Variants in GADL1 observed in about 807,000 individuals in gnomAD.
GADL1 encodes the protein acidic amino acid decarboxylase GADL1.
In GADL1, 71 loss-of-function variants were observed where a neutral mutation model predicts 69.5. The ratio of observed to expected loss-of-function variants is 1.02; its 90% CI spans 0.84 to 1.25. The LOEUF (loss-of-function observed/expected upper bound fraction) is 1.25, where lower values mean the gene tolerates loss of function less well. Ranked by LOEUF, GADL1 falls within the 50% of genes most tolerant of loss-of-function variation. The pLI is 0.00. For missense variants in GADL1, 737 were observed against 631.8 expected (o/e 1.17, Z -1.79); for synonymous variants, 254 against 214.4 (o/e 1.18, Z -1.62).
intron 11 of GADL1, among the ~76,000 whole-genome samples, chr3:30,808,455 G>C (rs749917955): frequency 6.7e-6 from 1 of 149,408 alleles, no homozygotes; most frequent in Non-Finnish European, 1.5e-5. Context: ...CTGAGACAGC[G>C]TTACTGCACG....
intron 1 of GADL1, among the ~76,000 whole-genome samples, chr3:30,874,040 G>A (rs1188756646): frequency 1.3e-5 from 2 of 151,872 alleles, no homozygotes; most frequent in African/African-American, 4.8e-5. Context: ...GGTCCAAACT[G>A]CCTTCTAGGG....
At chr3:30,780,323 C>T (rs1696636422) in intron 13 of GADL1, among the ~76,000 whole-genome samples, 1 of 152,134 alleles carries the variant, frequency 6.6e-6, no homozygotes, top group African/African-American at 2.4e-5. Context: ...TCTGCTATCC[C>T]ATGAGCCAAG....
At chr3:30,773,569 G>C (rs903660680) in intron 14 of GADL1, among the ~76,000 whole-genome samples, 1 of 151,954 alleles carries the variant, frequency 6.6e-6, no homozygotes, top group South Asian at 2.1e-4. Context: ...ATAAAATTTC[G>C]ATATTAATAT....
At chr3:30,861,546 A>T in intron 2 of GADL1, 47 bp downstream of exon 2, 1 of 1,392,448 alleles carries the variant, frequency 7.2e-7, no homozygotes, top group Non-Finnish European at 9.8e-7. Flanking sequence ...TTTGGGGAAC[A>T]TCTATCTTTC....
chr3:30,782,965 T>C (rs561170258), intron 13 of GADL1, among the ~76,000 whole-genome samples: 1 of 152,206 alleles, frequency 6.6e-6, no homozygotes, highest in East Asian at 1.9e-4. Flanking sequence ...GTAAGAAAAA[T>C]CACAATGTGC....
chr3:30,786,901 T>G (rs1696803446), intron 12 of GADL1, among the ~76,000 whole-genome samples: 1 of 152,122 alleles, frequency 6.6e-6, no homozygotes, highest in African/African-American at 2.4e-5. Flanking sequence ...ATAATCAGTA[T>G]CATGTTAAAA....
intron 1 of GADL1, among the ~76,000 whole-genome samples, chr3:30,889,088 A>T (rs1442161903): frequency 0.011 from 1,424 of 128,516 alleles, 35 homozygotes; most frequent in African/African-American, 0.04. Flanking sequence ...AATCTATAAA[A>T]AAAAAAAAAA....
chr3:30,768,154 C>A (rs546152955), intron 14 of GADL1, among the ~76,000 whole-genome samples: 1 of 151,342 alleles, frequency 6.6e-6, no homozygotes, highest in South Asian at 2.1e-4. Flanking sequence ...TAATACAAAG[C>A]TAATCAGGCT....
At position 30,889,084 on chromosome 3, in the gene GADL1, T is replaced by TAAAA. The variant is rs60227313; in HGVS notation, c.37+5490_37+5493dup. 5.5e-3 allele frequency among the ~76,000 whole-genome samples: 182 copies of TAAAA among 32,848 alleles called. 10 individuals are homozygous for TAAAA. The highest frequency in any genetic ancestry group is 7.6e-3 in the Non-Finnish European group (113 of 14,800). The allele number at this position is 32,848 out of a possible 152,430, so 21.5% of individuals were successfully genotyped here. A position where few individuals can be genotyped will look rare whatever the true frequency, so the allele number is the denominator to read the frequency against. ...GAAATACCGAAGACTCGGTAATCTATAAAAAAAAAAAAAAAAAAAAAAAAA... is the reference window on the plus strand; with the variant it reads ...GAAATACCGAAGACTCGGTAATCTATAAAAAAAAAAAAAAAAAAAAAAAAAAAAA... On this transcript the variant is annotated intron_variant, in intron 1 of 14. Transcript: ENST00000282538.
Position 30,861,730 on chromosome 3 carries a change from TCTTA to T in GADL1, c.69_72del (p.Ser23ArgfsTer12), listed in dbSNP as rs766682423. On this transcript the variant is annotated frameshift_variant, in exon 2 of 15. Coordinates refer to ENST00000282538, the MANE Select transcript of GADL1 (RefSeq NM_207359.3). LOFTEE classifies it high-confidence loss of function. ...ACCCCATCCACAAGAACAGCATTCTTCTTACTTGGAATCATCTCTTGTTGATCAA... is the reference window on the plus strand; with the variant it reads ...ACCCCATCCACAAGAACAGCATTCTTCTTGGAATCATCTCTTGTTGATCAA... The T allele has an allele frequency of 1.3e-6, 2 of 1,547,972 alleles. No individual in the cohort carries two copies. Among genetic ancestry groups the T allele is most frequent in the South Asian group, 2.4e-5 (2 of 83,076 alleles).
At chr3:30,864,733 A>G (rs905616221) in intron 1 of GADL1, among the ~76,000 whole-genome samples, 1 of 151,962 alleles carries the variant, frequency 6.6e-6, no homozygotes, top group Non-Finnish European at 1.5e-5. Context: ...TAGAGTTTAT[A>G]GTGGCTCTTA....
chr3:30,797,676 T>TG (rs1169897051), intron 12 of GADL1: 6 of 151,446 alleles, frequency 4.0e-5, no homozygotes, highest in Admixed American at 2.6e-4. Context: ...TTTTGTTTTT[T>TG]TTTTGTTTTT....
chr3:30,754,445 G>GA (rs1382603351), intron 14 of GADL1, among the ~76,000 whole-genome samples: 8 of 152,050 alleles, frequency 5.3e-5, no homozygotes, highest in African/African-American at 1.9e-4. Context: ...AAGGGATATA[G>GA]AAAAAAGCCT....
chr3:30,849,461 C>G (rs988200405), intron 6 of GADL1, among the ~76,000 whole-genome samples: 1 of 152,072 alleles, frequency 6.6e-6, no homozygotes, highest in Admixed American at 6.6e-5. Flanking sequence ...AACTCAAAGC[C>G]TATGCGCTTA....
intron 1 of GADL1, among the ~76,000 whole-genome samples, chr3:30,869,904 C>T (rs1284168380): frequency 6.6e-6 from 1 of 151,746 alleles, no homozygotes; most frequent in African/African-American, 2.4e-5. Flanking sequence ...AAATCCTATC[C>T]AAAAGGCATA....
chr3:30,852,163 C>T (rs963781008), intron 4 of GADL1, among the ~76,000 whole-genome samples: 2 of 152,130 alleles, frequency 1.3e-5, no homozygotes, highest in African/African-American at 4.8e-5. Context: ...CTATGTATCA[C>T]CTACTATTTA....
chr3:30,751,424 T>TTTGTCTTTCATTGCTTC (rs1327501509), intron 14 of GADL1, among the ~76,000 whole-genome samples: 1 of 151,180 alleles, frequency 6.6e-6, no homozygotes, highest in Admixed American at 6.6e-5. Context: ...CTTCTGTTGC[T>TTTGTCTTTCATTGCTTC]TTGTCTTTCA....
intron 11 of GADL1, among the ~76,000 whole-genome samples, chr3:30,818,800 G>C (rs1029048880): frequency 2.0e-5 from 3 of 152,152 alleles, no homozygotes; most frequent in Non-Finnish European, 4.4e-5. Context: ...GGTCACTGCA[G>C]TTGTGTGTTG....
At chr3:30,889,234 A>G (rs1698752086) in intron 1 of GADL1, among the ~76,000 whole-genome samples, 1 of 152,078 alleles carries the variant, frequency 6.6e-6, no homozygotes, top group Non-Finnish European at 1.5e-5. Flanking sequence ...TGTGCAGTGG[A>G]ACTGCCCTTT....
Sources: gnomAD v4.1 joint callset for allele counts (sites outside exome capture counted in the v4.1 genomes callset) on GRCh38, gnomAD v4.1.1 for gene constraint, MANE v1.5 for transcripts, NCBI Gene and HGNC (gene_info 2026-07-23, HGNC 2026-07-21) for gene names.